Variants in TMEM178B observed in about 807,000 individuals in gnomAD.
TMEM178B encodes transmembrane protein 178B.
A neutral mutation model predicts 31.0 loss-of-function variants in TMEM178B; 5 were observed. The ratio of observed to expected loss-of-function variants is 0.16; its 90% CI spans 0.08 to 0.34. TMEM178B has a LOEUF of 0.34. TMEM178B is among the 10% of genes least tolerant of loss of function. The probability of loss-of-function intolerance (pLI) is 1.00; values close to 1 mark genes in which losing one functional copy is unlikely to be tolerated. For missense variants in TMEM178B, 275 were observed against 400.3 expected (o/e 0.69, Z 2.67); for synonymous variants, 164 against 164.0 (o/e 1.00, Z 0.00).
intron 2 of TMEM178B, among the ~76,000 whole-genome samples, chr7:141,366,823 G>T (rs1800013633): frequency 6.6e-6 from 1 of 152,012 alleles, no homozygotes. Flanking sequence ...GCTAACCTCT[G>T]GTTAATTTCA....
chr7:141,363,112 C>T (rs866408025), intron 2 of TMEM178B, among the ~76,000 whole-genome samples: 3 of 152,130 alleles, frequency 2.0e-5, no homozygotes, highest in Admixed American at 1.3e-4. Context: ...TCGGAAAAGT[C>T]CCAAGGGCCC....
intron 2 of TMEM178B, among the ~76,000 whole-genome samples, chr7:141,356,821 C>T (rs1045488656): frequency 3.3e-5 from 5 of 151,978 alleles, no homozygotes; most frequent in Non-Finnish European, 5.9e-5. Flanking sequence ...TGACCTCATA[C>T]CATCCCTCCT....
chr7:141,235,122 C>T (rs900947913), intron 2 of TMEM178B, among the ~76,000 whole-genome samples: 3 of 152,150 alleles, frequency 2.0e-5, no homozygotes, highest in Non-Finnish European at 2.9e-5. Flanking sequence ...GCCTCTATGG[C>T]GAATGGGCTT....
intron 2 of TMEM178B, among the ~76,000 whole-genome samples, chr7:141,332,005 C>G (rs922408091): frequency 6.6e-6 from 1 of 152,178 alleles, no homozygotes; most frequent in Admixed American, 6.5e-5. Flanking sequence ...CCCCTGTGTT[C>G]TCAGGACACT....
the TMEM178B span, among the ~76,000 whole-genome samples, chr7:141,501,247 G>A: frequency 1.3e-5 from 2 of 151,268 alleles, no homozygotes; most frequent in Non-Finnish European, 2.9e-5. Flanking sequence ...CTTCCATGCT[G>A]TCTTCATTAG....
the TMEM178B span, among the ~76,000 whole-genome samples, chr7:141,501,212 C>T: frequency 3.3e-5 from 5 of 151,570 alleles, no homozygotes; most frequent in South Asian, 2.1e-4. Context: ...GAGGTGGACT[C>T]CCACAGGTAG....
At chr7:141,186,430 G>A (rs865964470) in intron 1 of TMEM178B, among the ~76,000 whole-genome samples, 2 of 152,128 alleles carry the variant, frequency 1.3e-5, no homozygotes, top group Non-Finnish European at 2.9e-5. Flanking sequence ...CCTTCCTCTC[G>A]GGGCCTCTGC....
chr7:141,356,067 G>A (rs1230489355), intron 2 of TMEM178B, among the ~76,000 whole-genome samples: 1 of 152,182 alleles, frequency 6.6e-6, no homozygotes, highest in Non-Finnish European at 1.5e-5. Flanking sequence ...TGACTGTGTA[G>A]TATTCTATGG....
At chr7:141,119,752 C>T (rs1795379815) in intron 1 of TMEM178B, among the ~76,000 whole-genome samples, 1 of 152,058 alleles carries the variant, frequency 6.6e-6, no homozygotes. Context: ...TGAGAGAAGG[C>T]AATGAGGCCC....
chr7:141,076,734 G>A (rs1563081425), intron 1 of TMEM178B, among the ~76,000 whole-genome samples: 1 of 152,160 alleles, frequency 6.6e-6, no homozygotes, highest in East Asian at 1.9e-4. Context: ...ACAGAAAATG[G>A]ACATGGCACA....
chr7:141,121,066 G>A (rs1328375337), intron 1 of TMEM178B, among the ~76,000 whole-genome samples: 2 of 151,740 alleles, frequency 1.3e-5, no homozygotes, highest in Non-Finnish European at 2.9e-5. Context: ...TTGGATTATA[G>A]TCCTTATACC....
At chr7:141,487,933 A>T in the TMEM178B span, among the ~76,000 whole-genome samples, 2 of 152,040 alleles carry the variant, frequency 1.3e-5, no homozygotes, top group Non-Finnish European at 2.9e-5. Flanking sequence ...TAGTTCTCTT[A>T]ATCTTTTCAG....
intron 1 of TMEM178B, among the ~76,000 whole-genome samples, chr7:141,076,517 GT>G (rs1794602608): frequency 6.6e-6 from 1 of 152,268 alleles, no homozygotes; most frequent in African/African-American, 2.4e-5. Context: ...GGAATTCATG[GT>G]TTCTGGCGGT....
intron 2 of TMEM178B, among the ~76,000 whole-genome samples, chr7:141,433,417 A>C (rs1801474369): frequency 6.6e-6 from 1 of 152,196 alleles, no homozygotes; most frequent in Admixed American, 6.5e-5. Flanking sequence ...CTTTAGGTCC[A>C]ATTTTGACTC....
At chr7:141,248,602 A>G (rs910799543) in intron 2 of TMEM178B, among the ~76,000 whole-genome samples, 2 of 152,224 alleles carry the variant, frequency 1.3e-5, no homozygotes, top group African/African-American at 2.4e-5. Context: ...GCATGTTACT[A>G]TACTGAATTG....
At chr7:141,435,095 T>A (rs1801509398) in intron 2 of TMEM178B, among the ~76,000 whole-genome samples, 1 of 152,180 alleles carries the variant, frequency 6.6e-6, no homozygotes, top group Non-Finnish European at 1.5e-5. Context: ...TATAGCCAAC[T>A]GATTTTCAAC....
chr7:141,303,162 C>T (rs1367346727), intron 2 of TMEM178B, among the ~76,000 whole-genome samples: 1 of 152,198 alleles, frequency 6.6e-6, no homozygotes, highest in East Asian at 1.9e-4. Flanking sequence ...ATGTGTGCAT[C>T]GTTGTGGGGA....
rs765032140 is a variant in TMEM178B at position 141,479,683 on chromosome 7, G to A, written c.*8897G>A. 2.0e-5 allele frequency: 3 copies of A among 152,192 alleles called. No homozygotes were observed. Among genetic ancestry groups the A allele is most frequent in the Admixed American group, 6.5e-5 (1 of 15,270 alleles). The allele number at this position is 152,192 out of a possible 1,614,324, so 9.4% of individuals were successfully genotyped here. ...AAAAATGAGCTGATTTGGTGAGTATGTTTTATATATGGTCATTAGACAGGG... is the reference window on the plus strand; with the variant it reads ...AAAAATGAGCTGATTTGGTGAGTATATTTTATATATGGTCATTAGACAGGG... On this transcript the variant is annotated 3_prime_UTR_variant, in exon 4 of 4. Transcript: ENST00000565468.
intron 2 of TMEM178B, among the ~76,000 whole-genome samples, chr7:141,312,512 G>A (rs150086971): frequency 7.4e-4 from 112 of 152,320 alleles, no homozygotes; most frequent in African/African-American, 2.6e-3. Context: ...GGGAAATAAA[G>A]TTCTAACCCG....
Sources: gnomAD v4.1 joint callset for allele counts (sites outside exome capture counted in the v4.1 genomes callset) on GRCh38, gnomAD v4.1.1 for gene constraint, MANE v1.5 for transcripts, NCBI Gene and HGNC (gene_info 2026-07-23, HGNC 2026-07-21) for gene names.